Variants in WDR59 observed in about 807,000 individuals in gnomAD.
The protein encoded by WDR59 is WD repeat domain 59.
A neutral mutation model predicts 131.2 loss-of-function variants in WDR59; 100 were observed. The observed-to-expected ratio is 0.76, with a 90% CI of 0.65 to 0.90. The LOEUF (loss-of-function observed/expected upper bound fraction) is 0.90, where lower values mean the gene tolerates loss of function less well. Ranked by LOEUF, WDR59 falls within the 40% of genes least tolerant of loss-of-function variation. WDR59 has a pLI of 0.00. For synonymous variants in WDR59, 601 were observed against 466.2 expected (o/e 1.29, Z -3.72); for missense variants, 1,203 against 1,262.2 (o/e 0.95, Z 0.71).
intron 25 of WDR59, among the ~76,000 whole-genome samples, chr16:74,885,448 CA>C (rs397855343): frequency 0.16 from 9,577 of 61,474 alleles, 103 homozygotes; most frequent in Middle Eastern, 0.19. Flanking sequence ...GATTCCATCT[CA>C]AAAAAAAAAA....
chr16:74,904,079 A>C lies in WDR59; in HGVS notation c.1734T>G (p.Ala578=). 1 of 1,613,520 alleles carries C rather than the reference A, an allele frequency of 6.2e-7. No homozygotes were observed. The highest frequency in any genetic ancestry group is 1.1e-5 in the South Asian group (1 of 90,830). The change falls in exon 18 of 26, where the codon GCT becomes GCG. Residue 578 remains alanine, a synonymous_variant. Transcript: ENST00000262144. ...TGGGCGCGATCAAGCCAGTGTGATA[A>C]GCAGACAAGGCTGAGAGAGATCTGT... ...PTPRSLSALS[A]YHTGLIAPMK... is the part of the protein sequence containing the mutation.
chr16:74,909,382 T>G, intron 16 of WDR59, 119 bp downstream of exon 16: 3 of 1,288,378 alleles, frequency 2.3e-6, no homozygotes, highest in Non-Finnish European at 3.1e-6. Context: ...CATGAAAGTC[T>G]CGTTTGAGTT....
intron 2 of WDR59, among the ~76,000 whole-genome samples, chr16:74,960,462 G>C (rs1193903253): frequency 6.6e-6 from 1 of 151,052 alleles, no homozygotes; most frequent in Non-Finnish European, 1.5e-5. Context: ...AAGAGAAAAT[G>C]AGGTCAGGTA....
intron 18 of WDR59, among the ~76,000 whole-genome samples, chr16:74,895,707 G>A: frequency 6.6e-6 from 1 of 152,162 alleles, no homozygotes; most frequent in East Asian, 1.9e-4. Flanking sequence ...AAAAAATTAT[G>A]TGCATACACA....
chr16:74,952,033 T>A (rs1334501694), intron 3 of WDR59, among the ~76,000 whole-genome samples: 3 of 151,956 alleles, frequency 2.0e-5, no homozygotes, highest in African/African-American at 7.2e-5. Flanking sequence ...CCCACGCTTT[T>A]CTAGAACTCC....
intron 25 of WDR59, among the ~76,000 whole-genome samples, chr16:74,884,712 C>A (rs1964670609): frequency 6.6e-6 from 1 of 152,190 alleles, no homozygotes; most frequent in South Asian, 2.1e-4. Flanking sequence ...TCTCTACACT[C>A]TAATTTGATA....
chr16:74,974,188 A>G (rs926290095), intron 1 of WDR59, among the ~76,000 whole-genome samples: 2 of 152,092 alleles, frequency 1.3e-5, no homozygotes, highest in Non-Finnish European at 2.9e-5. Flanking sequence ...GAAAAAAATC[A>G]ATTGATTAAT....
chr16:74,876,217 C>T (rs17762713), intron 25 of WDR59, among the ~76,000 whole-genome samples: 3,882 of 152,216 alleles, frequency 0.026, 65 homozygotes, highest in East Asian at 0.066. Context: ...ATGATAGTTC[C>T]AATTAAGGCA....
At position 74,985,119 on chromosome 16, in the gene WDR59, G is replaced by A. The variant is rs1409535778; in HGVS notation, c.-102C>T. The A allele has an allele frequency of 3.4e-6, 4 of 1,161,390 alleles. No homozygotes were observed. The highest frequency in any genetic ancestry group is 1.3e-5 in the South Asian group (1 of 75,476). The allele number at this position is 1,161,390 out of a possible 1,614,324, so 71.9% of individuals were successfully genotyped here. ...CCCACACAGCCAGAGAATCAGCCCC[G>A]ACACGCCCCGTGCCCTGGTTGCTCC... On this transcript the variant is annotated 5_prime_UTR_variant, in exon 1 of 26. Coordinates refer to ENST00000262144, the MANE Select transcript of WDR59 (RefSeq NM_030581.4).
In WDR59 at chr16:74,912,238, G is replaced by A. The variant is rs773556107; in HGVS notation, c.1349C>T (p.Pro450Leu). Residue 450 changes from proline to leucine, a missense_variant, in exon 14 of 26, where the codon CCC becomes CTC. Transcript: ENST00000262144. The part of the protein sequence containing the change: ...NAAPSFQFIN[P>L]TTITSTMKAK... ...TTTCATGGTGGATGTGATGGTTGTGGGGTTAATAAACTGGAAGGAAGGGGC... is the reference window on the plus strand; with the variant it reads ...TTTCATGGTGGATGTGATGGTTGTGAGGTTAATAAACTGGAAGGAAGGGGC... The A allele has an allele frequency of 5.0e-6, 8 of 1,614,154 alleles. No homozygotes were observed. The highest frequency in any genetic ancestry group is 6.8e-6 in the Non-Finnish European group (8 of 1,180,034).
chr16:74,893,025 GC>G (rs552231588), intron 19 of WDR59, among the ~76,000 whole-genome samples: 173 of 152,304 alleles, frequency 1.1e-3, no homozygotes, highest in African/African-American at 3.9e-3. Context: ...GCCTCTGCAT[GC>G]CAATTACTCA....
chr16:74,971,298 A>G (rs1444500556), intron 1 of WDR59, among the ~76,000 whole-genome samples: 1 of 152,122 alleles, frequency 6.6e-6, no homozygotes, highest in Non-Finnish European at 1.5e-5. Flanking sequence ...TTCTATTAGA[A>G]TAATGTGATG....
intron 25 of WDR59, among the ~76,000 whole-genome samples, chr16:74,878,282 G>C (rs914721528): frequency 6.6e-6 from 1 of 152,188 alleles, no homozygotes; most frequent in African/African-American, 2.4e-5. Context: ...TCAATTGAAG[G>C]ATACTCATAT....
chr16:74,885,845 G>C, intron 24 of WDR59, 50 bp from the exon 25 acceptor site: 1 of 1,599,684 alleles, frequency 6.3e-7, no homozygotes, highest in Non-Finnish European at 8.5e-7. Context: ...GAAAAAACAA[G>C]CTTCATCCTA....
chr16:74,901,475 A>G lies in WDR59; in HGVS notation c.1866+2472T>C, dbSNP rs576410523. Reference sequence around the variant, plus strand: ...ACATAGCGGGACCCCAGCTCTATAAAAATATTTGTTTTTAATTAACTGGGT... The same window carrying G: ...ACATAGCGGGACCCCAGCTCTATAAGAATATTTGTTTTTAATTAACTGGGT... On this transcript the variant is annotated intron_variant, in intron 18 of 25. Coordinates refer to ENST00000262144, the MANE Select transcript of WDR59 (RefSeq NM_030581.4). Among the ~76,000 whole-genome samples the G allele has an allele frequency of 9.2e-5, 14 of 152,056 alleles. No individual in the cohort carries two copies. In the East Asian group the frequency reaches 2.5e-3, roughly 27 times the overall value.
At chr16:74,970,324 T>C (rs990079412) in intron 1 of WDR59, among the ~76,000 whole-genome samples, 4 of 151,844 alleles carry the variant, frequency 2.6e-5, no homozygotes, top group African/African-American at 9.7e-5. Context: ...GCAGGCAATG[T>C]GATACCTTGT....
intron 25 of WDR59, among the ~76,000 whole-genome samples, chr16:74,877,566 C>G (rs982046150): frequency 6.6e-6 from 1 of 152,146 alleles, no homozygotes; most frequent in African/African-American, 2.4e-5. Flanking sequence ...TATTTTGAAA[C>G]GAAGTCTCGC....
chr16:74,872,405 C>G lies in WDR59; in HGVS notation c.*1804G>C, dbSNP rs1964026959. The G allele has an allele frequency of 6.6e-6, 1 of 151,864 alleles. No homozygotes were observed. Among genetic ancestry groups the G allele is most frequent in the Non-Finnish European group, 1.5e-5 (1 of 67,968 alleles). 9.4% of individuals were successfully genotyped at this position (151,864 alleles called of 1,614,324 possible). A position where few individuals can be genotyped will look rare whatever the true frequency, so the allele number is the denominator to read the frequency against. The stretch of plus-strand genomic sequence containing the variant: ...ACAAAATGTGAAGTTGAAAATCATT[C>G]TGAAATTAGCCAGGCATGGTGGTGC... On this transcript the variant is annotated 3_prime_UTR_variant, in exon 26 of 26. Transcript: ENST00000262144.
At chr16:74,961,555 G>T (rs1230044952) in intron 2 of WDR59, among the ~76,000 whole-genome samples, 1 of 152,112 alleles carries the variant, frequency 6.6e-6, no homozygotes, top group Non-Finnish European at 1.5e-5. Context: ...CAGTAATGAT[G>T]AGCTTTTTTT....
Sources: gnomAD v4.1 joint callset for allele counts (sites outside exome capture counted in the v4.1 genomes callset) on GRCh38, gnomAD v4.1.1 for gene constraint, MANE v1.5 for transcripts, NCBI Gene and HGNC (gene_info 2026-07-23, HGNC 2026-07-21) for gene names.